SYF2: variants seen among roughly 807,000 people sequenced by gnomAD.
SYF2 encodes pre-mRNA-splicing factor SYF2.
A neutral mutation model predicts 32.7 loss-of-function variants in SYF2; 21 were observed. The observed-to-expected ratio is 0.64, with a 90% confidence interval of 0.45 to 0.92. The LOEUF is 0.92. Ranked by LOEUF, SYF2 falls within the 40% of genes least tolerant of loss-of-function variation. The pLI, the probability that SYF2 is intolerant of heterozygous loss-of-function variation, is 0.00. For missense variants in SYF2, 278 were observed against 296.5 expected (o/e 0.94, Z 0.46); for synonymous variants, 114 against 103.9 (o/e 1.10, Z -0.59).
chr1:25,226,977 T>C (rs1638524805), intron 5 of SYF2, among the ~76,000 whole-genome samples: 1 of 148,506 alleles, frequency 6.7e-6, no homozygotes, highest in Non-Finnish European at 1.5e-5. Context: ...CGAGACACCG[T>C]CTCTTAAAAA....
Position 25,229,107 on chromosome 1 carries a change from A to C in SYF2, c.149T>G (p.Leu50Ter). Residue 50 changes from leucine (L) to a stop codon, truncating the protein, a stop_gained, in exon 3 of 7, where the codon TTA (leucine) becomes TGA (stop). Coordinates refer to ENST00000236273, the MANE Select transcript of SYF2 (RefSeq NM_015484.5). LOFTEE classifies it high-confidence loss of function. ...TTCTTCCACAACTTCCTGGTGATTT[A>C]ATTTACGAGCTTCATTCTAAAACCG... ...LHLMRNEARKLNHQEVVEEDK... is the reference protein window; with the variant it reads ...LHLMRNEARK 1.2e-6 allele frequency: 2 copies of C among 1,612,004 alleles called. No homozygotes were observed. The highest frequency in any genetic ancestry group is 1.7e-6 in the Non-Finnish European group (2 of 1,179,542).
In SYF2 at chr1:25,223,465, T is replaced by C. The variant is rs144364099; in HGVS notation, c.567-34A>G. 3.1e-5 allele frequency: 50 copies of C among 1,591,030 alleles called. No homozygotes were observed. The East Asian group carries it at 8.5e-4, about 27-fold the overall frequency. On this transcript the variant is annotated intron_variant, in intron 6 of 6. Transcript: ENST00000236273. ...AGAAGAAAATTTACAAAATTCAAAA[T>C]TGCCTTCTCTTTTGATCTTAATAAA...
chr1:25,227,338 A>G (rs1009565815), intron 5 of SYF2, 104 bp downstream of exon 5: 53 of 945,304 alleles, frequency 5.6e-5, no homozygotes, highest in Non-Finnish European at 7.5e-5. Flanking sequence ...ACAACTATTA[A>G]TAACCCATAC....
rs1273918318 is a variant in SYF2 at position 25,228,869 on chromosome 1, T to C, written c.258+129A>G. On this transcript the variant is annotated intron_variant, in intron 3 of 6. Coordinates refer to ENST00000236273, the MANE Select transcript of SYF2 (RefSeq NM_015484.5). ...TCACCCAACGTGTTGCAGTTGGTAC[T>C]GAGCAGAGCCAGAATTTCAATTCTG... 4 of 1,126,438 alleles carry C rather than the reference T, an allele frequency of 3.6e-6. No homozygotes were observed. The African/African-American group carries it at 4.7e-5, about 13-fold the overall frequency. 69.8% of individuals were successfully genotyped at this position (1,126,438 alleles called of 1,614,324 possible).
chr1:25,228,384 G>C (rs1571490338), intron 3 of SYF2, 149 bp from the exon 4 acceptor site: 2 of 697,812 alleles, frequency 2.9e-6, no homozygotes, highest in South Asian at 4.0e-5. Context: ...ACGCAGGCTG[G>C]AGTGCAGTGG....
chr1:25,229,132 G>T lies in SYF2; in HGVS notation c.133-9C>A, dbSNP rs183927883. 1.2e-5 allele frequency: 19 copies of T among 1,608,672 alleles called. No homozygotes were observed. The highest frequency in any genetic ancestry group is 1.6e-5 in the Non-Finnish European group (19 of 1,178,480). On this transcript the variant is annotated splice_polypyrimidine_tract_variant and intron_variant, in intron 2 of 6. Transcript: ENST00000236273. ...AATTTACGAGCTTCATTCTAAAACC[G>T]TAACACAAGAAGTCTGTCAGCTAAA...
intron 5 of SYF2, among the ~76,000 whole-genome samples, chr1:25,225,385 G>A (rs751767833): frequency 1.6e-4 from 24 of 151,756 alleles, no homozygotes; most frequent in East Asian, 3.9e-4. Flanking sequence ...AAAATTAGCC[G>A]GGCGTGGTGA....
chr1:25,223,469 C>T, intron 6 of SYF2, 38 bp from the exon 7 acceptor site: 1 of 1,588,124 alleles, frequency 6.3e-7, no homozygotes, highest in Non-Finnish European at 8.6e-7. Flanking sequence ...TCAAAATTGC[C>T]TTCTCTTTTG....
chr1:25,231,927 T>C (rs1349824438), intron 2 of SYF2, 177 bp downstream of exon 2: 12 of 703,660 alleles, frequency 1.7e-5, no homozygotes, highest in Non-Finnish European at 3.1e-5. Context: ...TTTCAAATGT[T>C]CTCAGAATGA....
intron 4 of SYF2, among the ~76,000 whole-genome samples, chr1:25,227,817 C>T (rs1236179778): frequency 6.6e-6 from 1 of 152,174 alleles, no homozygotes; most frequent in African/African-American, 2.4e-5. Flanking sequence ...ACTAGGGATA[C>T]TCAATCTGTG....
chr1:25,230,093 C>A (rs1638597600), intron 2 of SYF2, among the ~76,000 whole-genome samples: 1 of 152,190 alleles, frequency 6.6e-6, no homozygotes, highest in Admixed American at 6.5e-5. Flanking sequence ...GCTGGGATTA[C>A]AGGCATGTGC....
chr1:25,222,656 T>A lies in SYF2; in HGVS notation c.*610A>T, dbSNP rs182984540. 1.3e-5 allele frequency: 2 copies of A among 152,312 alleles called. No individual in the cohort carries two copies. Among genetic ancestry groups the A allele is most frequent in the East Asian group, 3.9e-4 (2 of 5,184 alleles). The allele number at this position is 152,312 out of a possible 1,614,324, so 9.4% of individuals were successfully genotyped here. ...ACAAATGTATATATACAAATGTTTG[T>A]TTTAAATGATAGACTAAAAATGTTA... On this transcript the variant is annotated 3_prime_UTR_variant, in exon 7 of 7. Transcript: ENST00000236273.
intron 5 of SYF2, 61 bp downstream of exon 5, chr1:25,227,381 A>G: frequency 7.8e-7 from 1 of 1,288,670 alleles, no homozygotes; most frequent in Non-Finnish European, 1.1e-6. Flanking sequence ...ATTTATGTAC[A>G]TGTATACACA....
rs1169920730 is a variant in SYF2, at chr1:25,222,586, A to G, written c.*680T>C. On this transcript the variant is annotated 3_prime_UTR_variant, in exon 7 of 7. Coordinates refer to ENST00000236273, the MANE Select transcript of SYF2 (RefSeq NM_015484.5). ...GGGTGTATGGAATTTCCCATAATAA[A>G]ATATTCTTTCAGTGTTTGTAGAATG... 6.6e-6 allele frequency: 1 copy of G among 152,178 alleles called. No individual in the cohort carries two copies. The highest frequency in any genetic ancestry group is 1.5e-5 in the Non-Finnish European group (1 of 68,030). The allele number at this position is 152,178 out of a possible 1,614,324, so 9.4% of individuals were successfully genotyped here.
intron 2 of SYF2, chr1:25,230,661 G>A (rs950565400): frequency 6.6e-6 from 1 of 152,214 alleles, no homozygotes; most frequent in South Asian, 2.1e-4. Flanking sequence ...TTGCACAGAA[G>A]AGAGCAAACC....
chr1:25,226,851 C>A (rs963335786), intron 5 of SYF2, among the ~76,000 whole-genome samples: 3 of 152,002 alleles, frequency 2.0e-5, no homozygotes, highest in African/African-American at 7.3e-5. Context: ...AATCGTGGCA[C>A]ATGTCTGTAA....
intron 5 of SYF2, 36 bp downstream of exon 5, chr1:25,227,406 T>C: frequency 6.5e-7 from 1 of 1,532,992 alleles, no homozygotes; most frequent in Non-Finnish European, 9.0e-7. Flanking sequence ...CACACACAAA[T>C]ACATCCACAT....
intron 5 of SYF2, among the ~76,000 whole-genome samples, chr1:25,225,578 G>T (rs1181895572): frequency 6.6e-6 from 1 of 151,912 alleles, no homozygotes; most frequent in East Asian, 1.9e-4. Flanking sequence ...ACCATGTGGA[G>T]GCCAGGCGCA....
At chr1:25,223,532 T>C (rs1319516874) in intron 6 of SYF2, 101 bp from the exon 7 acceptor site, 3 of 1,190,118 alleles carry the variant, frequency 2.5e-6, no homozygotes, top group Non-Finnish European at 3.5e-6. Flanking sequence ...GAATAGCACA[T>C]GTTGTGAGGG....
Sources: allele counts gnomAD v4.1 joint callset (sites outside exome capture counted in the v4.1 genomes callset), GRCh38; gene constraint gnomAD v4.1.1; transcripts MANE v1.5; gene names NCBI Gene and HGNC (gene_info 2026-07-23, HGNC 2026-07-21).